RGS7: variants seen among roughly 807,000 people sequenced by gnomAD.
The protein encoded by RGS7 is regulator of G protein signaling 7, also known as regulator of G-protein signaling 7.
RGS7 carries 27 observed loss-of-function variants against 81.1 expected under a neutral mutation model. The ratio of observed to expected loss-of-function variants is 0.33; its 90% CI spans 0.25 to 0.46. The LOEUF is 0.46. RGS7 is among the 20% of genes least tolerant of loss of function. The pLI is 1.00. For missense variants in RGS7, 396 were observed against 607.4 expected, an observed-to-expected ratio of 0.65 and a Z score of 3.66; for synonymous variants, 208 against 207.7, an observed-to-expected ratio of 1.00 and a Z score of -0.01.
chr1:241,180,370 A>T (rs7533492), intron 2 of RGS7, among the ~76,000 whole-genome samples: 1,796 of 151,502 alleles, frequency 0.012, 39 homozygotes, highest in African/African-American at 0.042. Context: ...GCGAGACTCC[A>T]TCTCAAAAAA....
chr1:240,791,201 C>T (rs1572096840), intron 18 of RGS7, among the ~76,000 whole-genome samples: 1 of 152,176 alleles, frequency 6.6e-6, no homozygotes. Context: ...GTAATGGCTT[C>T]TGCTGGTTGA....
chr1:241,051,944 C>T (rs747573104), intron 3 of RGS7, among the ~76,000 whole-genome samples: 29 of 152,272 alleles, frequency 1.9e-4, no homozygotes, highest in Middle Eastern at 3.4e-3. Context: ...TATCATGTGG[C>T]GCAGTCAGTC....
At chr1:241,277,882 T>G (rs2078279258) in intron 2 of RGS7, among the ~76,000 whole-genome samples, 1 of 152,258 alleles carries the variant, frequency 6.6e-6, no homozygotes, top group Admixed American at 6.5e-5. Context: ...ATGAATCTTC[T>G]GGTTCTGTAA....
chr1:240,839,691 A>G (rs1014785553), intron 9 of RGS7, among the ~76,000 whole-genome samples: 4 of 152,172 alleles, frequency 2.6e-5, no homozygotes, highest in African/African-American at 9.7e-5. Context: ...ATCTCCCCAG[A>G]TCCTGAGTGA....
At chr1:241,111,334 T>C (rs2065496768) in intron 2 of RGS7, among the ~76,000 whole-genome samples, 2 of 152,148 alleles carry the variant, frequency 1.3e-5, no homozygotes, top group Admixed American at 1.3e-4. Flanking sequence ...ACTAACACCT[T>C]GTTTATCCTA....
chr1:240,826,192 C>T (rs2103191586), intron 10 of RGS7, among the ~76,000 whole-genome samples: 1 of 152,328 alleles, frequency 6.6e-6, no homozygotes, highest in African/African-American at 2.4e-5. Context: ...TTGAGCACCG[C>T]ATCCGAATTG....
intron 2 of RGS7, among the ~76,000 whole-genome samples, chr1:241,238,919 A>G (rs1331834247): frequency 6.6e-6 from 1 of 151,242 alleles, no homozygotes; most frequent in Non-Finnish European, 1.5e-5. Flanking sequence ...ATTTTCCTTC[A>G]ATATTTAATT....
chr1:240,811,437 T>C (rs1002698670), intron 14 of RGS7, among the ~76,000 whole-genome samples: 1 of 152,254 alleles, frequency 6.6e-6, no homozygotes, highest in African/African-American at 2.4e-5. Flanking sequence ...CCTGTGGCTA[T>C]TATTTAAACA....
At chr1:241,166,933 T>C (rs2070304721) in intron 2 of RGS7, among the ~76,000 whole-genome samples, 1 of 152,190 alleles carries the variant, frequency 6.6e-6, no homozygotes, top group Non-Finnish European at 1.5e-5. Flanking sequence ...GGGAATCTGT[T>C]ATTCTTGACC....
intron 3 of RGS7, among the ~76,000 whole-genome samples, chr1:241,022,677 T>G (rs113212632): frequency 0.011 from 1,599 of 152,242 alleles, 26 homozygotes; most frequent in African/African-American, 0.036. Context: ...AAATTATCCT[T>G]AAAAACCCTG....
intron 3 of RGS7, among the ~76,000 whole-genome samples, chr1:241,009,189 C>CCTTCTT (rs2058835240): frequency 6.6e-6 from 1 of 152,044 alleles, no homozygotes. Context: ...TTAAATATAC[C>CCTTCTT]CTTCTAAACT....
At chr1:241,099,749 C>T (rs1418938252) in intron 2 of RGS7, among the ~76,000 whole-genome samples, 1 of 152,174 alleles carries the variant, frequency 6.6e-6, no homozygotes, top group Non-Finnish European at 1.5e-5. Context: ...CATTCCACAA[C>T]CACTTATCAC....
chr1:241,251,213 T>C (rs1045365186), intron 2 of RGS7, among the ~76,000 whole-genome samples: 3 of 152,222 alleles, frequency 2.0e-5, no homozygotes, highest in Non-Finnish European at 2.9e-5. Context: ...CTGGATGCTT[T>C]TAACTAATTT....
chr1:241,198,600 A>C (rs2073255062), intron 2 of RGS7, among the ~76,000 whole-genome samples: 1 of 151,474 alleles, frequency 6.6e-6, no homozygotes, highest in South Asian at 2.1e-4. Context: ...TTCTGAAAAA[A>C]CACAAGCTAA....
chr1:240,808,528 G>A (rs1191069766), intron 14 of RGS7, among the ~76,000 whole-genome samples: 1 of 152,174 alleles, frequency 6.6e-6, no homozygotes, highest in Non-Finnish European at 1.5e-5. Context: ...TTTTAGAGAA[G>A]AGGAAACTAA....
At chr1:241,176,265 A>G (rs1185530399) in intron 2 of RGS7, among the ~76,000 whole-genome samples, 2 of 152,224 alleles carry the variant, frequency 1.3e-5, no homozygotes, top group Non-Finnish European at 2.9e-5. Context: ...AGGATCGAGA[A>G]GCATAGAAAG....
chr1:241,177,845 G>A (rs1241314943), intron 2 of RGS7, among the ~76,000 whole-genome samples: 4 of 151,642 alleles, frequency 2.6e-5, no homozygotes, highest in Non-Finnish European at 5.9e-5. Flanking sequence ...CAACTGATTG[G>A]AAAGTGTCAT....
At chr1:241,017,293 T>C (rs984710123) in intron 3 of RGS7, among the ~76,000 whole-genome samples, 74 of 152,158 alleles carry the variant, frequency 4.9e-4, no homozygotes, top group African/African-American at 1.7e-3. Flanking sequence ...ATACAAAAAT[T>C]AGCTGGGCGT....
At chr1:241,219,325 T>C (rs180752239) in intron 2 of RGS7, among the ~76,000 whole-genome samples, 225 of 152,280 alleles carry the variant, frequency 1.5e-3, no homozygotes, top group Middle Eastern at 0.01. Context: ...GCACGAGCTC[T>C]CTCTCTTTGC....
Sources: gnomAD v4.1 joint callset for allele counts (sites outside exome capture counted in the v4.1 genomes callset) on GRCh38, gnomAD v4.1.1 for gene constraint, MANE v1.5 for transcripts, NCBI Gene and HGNC (gene_info 2026-07-23, HGNC 2026-07-21) for gene names.